CCR3: variants seen among roughly 807,000 people sequenced by gnomAD.
The protein encoded by CCR3 is C-C chemokine receptor type 3.
For synonymous variants in CCR3, 203 were observed against 179.2 expected (o/e 1.13, Z -1.06); for missense variants, 419 against 437.5 (o/e 0.96, Z 0.38).
chr3:46,234,885 G>C (rs994935513), intron 2 of CCR3, among the ~76,000 whole-genome samples: 1 of 152,226 alleles, frequency 6.6e-6, no homozygotes, highest in Non-Finnish European at 1.5e-5. Flanking sequence ...AGGCTACAGT[G>C]AGTGGTGAGG....
At chr3:46,250,540 A>T (rs1168781941) in intron 1 of CCR3, among the ~76,000 whole-genome samples, 1 of 152,110 alleles carries the variant, frequency 6.6e-6, no homozygotes, top group African/African-American at 2.4e-5. Context: ...CTATTTTAAG[A>T]CAAGAATTAT....
chr3:46,251,262 G>C (rs957746931), intron 1 of CCR3, among the ~76,000 whole-genome samples: 3 of 152,146 alleles, frequency 2.0e-5, no homozygotes, highest in Admixed American at 6.5e-5. Context: ...CCAAGGGAAG[G>C]CTGCCTTCCC....
At chr3:46,223,301 C>T (rs184393018) in intron 2 of CCR3, among the ~76,000 whole-genome samples, 27 of 152,334 alleles carry the variant, frequency 1.8e-4, no homozygotes, top group Non-Finnish European at 2.4e-4. Context: ...GATCGTGCCA[C>T]TGCACTCCAG....
intron 2 of CCR3, among the ~76,000 whole-genome samples, chr3:46,216,352 T>C (rs1440274788): frequency 6.6e-6 from 1 of 152,196 alleles, no homozygotes; most frequent in Non-Finnish European, 1.5e-5. Flanking sequence ...AAGGCACCTG[T>C]GTCTCTGGAA....
intron 1 of CCR3, among the ~76,000 whole-genome samples, chr3:46,253,361 A>C (rs779265140): frequency 5.9e-5 from 9 of 152,060 alleles, no homozygotes; most frequent in Non-Finnish European, 1.2e-4. Context: ...AGGGAGTCAC[A>C]CATAATTCTG....
At chr3:46,226,166 G>C (rs1699892888) in intron 2 of CCR3, among the ~76,000 whole-genome samples, 1 of 152,098 alleles carries the variant, frequency 6.6e-6, no homozygotes, top group African/African-American at 2.4e-5. Context: ...TCTAGGTCCT[G>C]TGACTTTCCA....
chr3:46,211,809 C>T (rs948565766), intron 2 of CCR3, among the ~76,000 whole-genome samples: 3 of 152,112 alleles, frequency 2.0e-5, no homozygotes, highest in African/African-American at 2.4e-5. Context: ...CACTGAACCT[C>T]ATACCCAGAA....
chr3:46,245,269 C>T (rs1367696669), intron 1 of CCR3, among the ~76,000 whole-genome samples: 1 of 150,984 alleles, frequency 6.6e-6, no homozygotes, highest in Non-Finnish European at 1.5e-5. Flanking sequence ...AGGGAAGAAG[C>T]TCACTGGCTC....
intron 1 of CCR3, among the ~76,000 whole-genome samples, chr3:46,255,012 C>G (rs1441089992): frequency 6.6e-6 from 1 of 152,082 alleles, no homozygotes; most frequent in African/African-American, 2.4e-5. Flanking sequence ...AGTTTACATA[C>G]CCATCAACAG....
chr3:46,244,819 C>T (rs552367684), intron 1 of CCR3, among the ~76,000 whole-genome samples: 2 of 152,254 alleles, frequency 1.3e-5, no homozygotes, highest in African/African-American at 4.8e-5. Flanking sequence ...AGAGGCCTGA[C>T]ACTGTCAATT....
chr3:46,256,010 T>C (rs993464185), intron 1 of CCR3, among the ~76,000 whole-genome samples: 2 of 152,190 alleles, frequency 1.3e-5, no homozygotes, highest in Non-Finnish European at 2.9e-5. Context: ...TTTCACAATA[T>C]TGATTCTACC....
At chr3:46,240,366 T>G (rs1380863660), upstream of CCR3, among the ~76,000 whole-genome samples, 1 of 152,210 alleles carries the variant, frequency 6.6e-6, no homozygotes, top group African/African-American at 2.4e-5. Flanking sequence ...TGTTCCCTAA[T>G]TTCATTCCTG....
intron 1 of CCR3, among the ~76,000 whole-genome samples, chr3:46,254,202 T>C (rs923428818): frequency 2.0e-5 from 3 of 152,174 alleles, no homozygotes; most frequent in Admixed American, 6.5e-5. Context: ...CTTACAATTA[T>C]GTGTATAAGT....
chr3:46,232,388 G>A (rs550657110), intron 2 of CCR3, among the ~76,000 whole-genome samples: 1 of 152,200 alleles, frequency 6.6e-6, no homozygotes, highest in Admixed American at 6.5e-5. Flanking sequence ...TGGGAAAGCC[G>A]GCAGAACCCC....
At chr3:46,217,349 G>A (rs1699787001) in intron 2 of CCR3, among the ~76,000 whole-genome samples, 1 of 151,584 alleles carries the variant, frequency 6.6e-6, no homozygotes. Context: ...GAGATTGATG[G>A]CAACACAATA....
At position 46,265,862 on chromosome 3, in the gene CCR3, A is replaced by T. The variant is rs1700619366; in HGVS notation, c.704A>T (p.Tyr235Phe). The T allele has an allele frequency of 6.2e-7, 1 of 1,613,974 alleles. No individual in the cohort carries two copies. Among genetic ancestry groups the T allele is most frequent in the Non-Finnish European group, 8.5e-7 (1 of 1,180,010 alleles). ...CTGAGGTGCCCCAGTAAAAAAAAGT[A>T]CAAGGCCATCCGGCTCATTTTTGTC... ...TLLRCPSKKK[Y>F]KAIRLIFVIM... The change falls in exon 2 of 2, where the codon TAC becomes TTC. Residue 235 changes from tyrosine to phenylalanine, a missense_variant. Tyr to Phe is a conservative substitution (Grantham distance 22, BLOSUM62 3). Transcript: ENST00000395940.
intron 2 of CCR3, among the ~76,000 whole-genome samples, chr3:46,219,254 A>G (rs1014905038): frequency 3.9e-5 from 6 of 152,216 alleles, no homozygotes; most frequent in African/African-American, 1.4e-4. Context: ...ATATTATAAA[A>G]TACTTAGGAA....
chr3:46,249,533 G>A (rs1478254551), intron 1 of CCR3, among the ~76,000 whole-genome samples: 1 of 152,160 alleles, frequency 6.6e-6, no homozygotes, highest in Non-Finnish European at 1.5e-5. Context: ...CATCTGTGAT[G>A]GTCTATGGGG....
chr3:46,243,010 C>CATATATATATATATATATATATAT (rs1700122551), intron 1 of CCR3, among the ~76,000 whole-genome samples: 6 of 58,120 alleles, frequency 1.0e-4, no homozygotes, highest in Admixed American at 4.8e-4. Context: ...TATACGCACA[C>CATATATATATATATATATATATAT]ACACATACAT....
Sources: allele counts gnomAD v4.1 joint callset (sites outside exome capture counted in the v4.1 genomes callset), GRCh38; gene constraint gnomAD v4.1.1; transcripts MANE v1.5; gene names NCBI Gene and HGNC (gene_info 2026-07-23, HGNC 2026-07-21).